Variants in TSNARE1 observed in about 807,000 individuals in gnomAD.
TSNARE1 encodes t-SNARE domain containing 1.
In TSNARE1, 49 loss-of-function variants were observed where a neutral mutation model predicts 62.0. The ratio of observed to expected loss-of-function variants is 0.79; its 90% CI spans 0.63 to 1.00. The LOEUF (loss-of-function observed/expected upper bound fraction) is 1.00. Ranked by LOEUF, TSNARE1 falls within the 50% of genes least tolerant of loss-of-function variation. The probability of loss-of-function intolerance (pLI) is 0.00; values close to 1 mark genes in which losing one functional copy is unlikely to be tolerated. For missense variants in TSNARE1, 755 were observed against 700.1 expected (o/e 1.08, Z -0.88); for synonymous variants, 328 against 294.4 (o/e 1.11, Z -1.17).
At chr8:142,294,621 T>C (rs1824374966) in intron 10 of TSNARE1, among the ~76,000 whole-genome samples, 1 of 152,178 alleles carries the variant, frequency 6.6e-6, no homozygotes, top group African/African-American at 2.4e-5. Context: ...AGCTCTCTCC[T>C]GGCCAAGGCC....
intron 12 of TSNARE1, among the ~76,000 whole-genome samples, chr8:142,256,166 CCACCAT>C (rs1818523139): frequency 7.6e-6 from 1 of 132,222 alleles, no homozygotes; most frequent in Admixed American, 7.4e-5. Context: ...ACCATCACCA[CCACCAT>C]CACCATCACC....
chr8:142,240,932 A>G (rs1179565481), intron 12 of TSNARE1, among the ~76,000 whole-genome samples: 1 of 152,256 alleles, frequency 6.6e-6, no homozygotes, highest in African/African-American at 2.4e-5. Context: ...TTTAGAGGAA[A>G]GAACTTTTCT....
At chr8:142,298,582 C>T (rs1177848770) in intron 10 of TSNARE1, among the ~76,000 whole-genome samples, 2 of 152,214 alleles carry the variant, frequency 1.3e-5, no homozygotes, top group Non-Finnish European at 1.5e-5. Context: ...AAGCCTCTCC[C>T]TGGACGCTGC....
At chr8:142,255,242 T>C (rs900779204) in intron 12 of TSNARE1, among the ~76,000 whole-genome samples, 5 of 151,952 alleles carry the variant, frequency 3.3e-5, no homozygotes, top group Admixed American at 2.0e-4. Context: ...CAGTGCCTAG[T>C]ATGGAGGACT....
At chr8:142,282,653 T>G (rs1404599685) in intron 11 of TSNARE1, among the ~76,000 whole-genome samples, 1 of 141,230 alleles carries the variant, frequency 7.1e-6, no homozygotes, top group Admixed American at 7.1e-5. Context: ...CCAGTGTCTG[T>G]CAATGAGCGG....
At chr8:142,312,255 C>A (rs939363266) in intron 9 of TSNARE1, among the ~76,000 whole-genome samples, 1 of 152,166 alleles carries the variant, frequency 6.6e-6, no homozygotes, top group African/African-American at 2.4e-5. Context: ...AGCTGAGTGT[C>A]CAACCAACTA....
At chr8:142,296,714 G>A (rs887320292) in intron 10 of TSNARE1, among the ~76,000 whole-genome samples, 5 of 152,004 alleles carry the variant, frequency 3.3e-5, no homozygotes, top group Admixed American at 1.3e-4. Flanking sequence ...AGGGCACGCC[G>A]TGGAAGCAGC....
intron 11 of TSNARE1, chr8:142,278,434 G>A (rs1465185402): frequency 1.0e-6 from 1 of 985,348 alleles, no homozygotes; most frequent in African/African-American, 1.7e-5. Context: ...TGCTTCCGGG[G>A]CTTCGTTCCC....
At chr8:142,282,653 T>A (rs1404599685) in intron 11 of TSNARE1, among the ~76,000 whole-genome samples, 2 of 141,306 alleles carry the variant, frequency 1.4e-5, no homozygotes, top group Non-Finnish European at 3.0e-5. Flanking sequence ...CCAGTGTCTG[T>A]CAATGAGCGG....
chr8:142,215,141 C>T lies in TSNARE1; in HGVS notation c.*12-2828G>A, dbSNP rs182444082. Among the ~76,000 whole-genome samples, 279 of 152,330 alleles carry T rather than the reference C, an allele frequency of 1.8e-3. 1 individual carries two copies. Among genetic ancestry groups the T allele is most frequent in the Non-Finnish European group, 3.3e-3 (225 of 68,028 alleles). ...CCCAGGCCAGGGCCCGCACGGACAC[C>T]ATGAATGCGTATTGATCGAGTGAAC... On this transcript the variant is annotated intron_variant, in intron 13 of 13. Coordinates refer to ENST00000524325, the MANE Select transcript of TSNARE1 (RefSeq NM_145003.5).
intron 12 of TSNARE1, among the ~76,000 whole-genome samples, chr8:142,237,242 G>A (rs924427611): frequency 6.6e-6 from 1 of 152,206 alleles, no homozygotes; most frequent in African/African-American, 2.4e-5. Flanking sequence ...TCCCTGGAGG[G>A]GCTGAGGCTT....
At chr8:142,274,901 G>C in intron 11 of TSNARE1, 38 bp from the exon 12 acceptor site, 1 of 1,481,000 alleles carries the variant, frequency 6.8e-7, no homozygotes, top group Non-Finnish European at 9.0e-7. Flanking sequence ...TACAGATGGA[G>C]GCCCAGCCGC....
At chr8:142,239,693 AGTGGGG>A (rs987931176) in intron 12 of TSNARE1, among the ~76,000 whole-genome samples, 1 of 152,224 alleles carries the variant, frequency 6.6e-6, no homozygotes, top group Non-Finnish European at 1.5e-5. Flanking sequence ...GGAAAACCCG[AGTGGGG>A]CCTGTGATTA....
intron 11 of TSNARE1, among the ~76,000 whole-genome samples, chr8:142,280,701 C>A (rs566472267): frequency 9.2e-5 from 14 of 152,278 alleles, no homozygotes; most frequent in Non-Finnish European, 1.9e-4. Flanking sequence ...CTGAAGTGGA[C>A]AAAGCGCTCC....
chr8:142,251,628 G>A (rs1397388751), intron 12 of TSNARE1, among the ~76,000 whole-genome samples: 2 of 151,972 alleles, frequency 1.3e-5, no homozygotes, highest in Non-Finnish European at 2.9e-5. Context: ...CTTATGAGAG[G>A]AGCCTTCGAC....
At chr8:142,228,186 C>A (rs758347385) in intron 13 of TSNARE1, among the ~76,000 whole-genome samples, 1 of 152,250 alleles carries the variant, frequency 6.6e-6, no homozygotes, top group Non-Finnish European at 1.5e-5. Flanking sequence ...CAGAGCCACC[C>A]AGCTAAGCCG....
intron 12 of TSNARE1, among the ~76,000 whole-genome samples, chr8:142,232,747 G>A (rs368996208): frequency 1.6e-4 from 25 of 152,338 alleles, no homozygotes; most frequent in East Asian, 1.2e-3. Flanking sequence ...GGGCGCAGGC[G>A]ATGACAGGCA....
At chr8:142,253,521 A>C (rs897764378) in intron 12 of TSNARE1, among the ~76,000 whole-genome samples, 20 of 82,478 alleles carry the variant, frequency 2.4e-4, no homozygotes, top group Non-Finnish European at 3.4e-4. Flanking sequence ...GCATAGACCC[A>C]CTGCAGTAGG....
chr8:142,384,513 A>T (rs1836980449), intron 1 of TSNARE1, among the ~76,000 whole-genome samples: 1 of 152,218 alleles, frequency 6.6e-6, no homozygotes, highest in Non-Finnish European at 1.5e-5. Context: ...AAGAGCCCAG[A>T]AATAAGCCCT....
Sources: allele counts gnomAD v4.1 joint callset (sites outside exome capture counted in the v4.1 genomes callset), GRCh38; gene constraint gnomAD v4.1.1; transcripts MANE v1.5; gene names NCBI Gene and HGNC (gene_info 2026-07-23, HGNC 2026-07-21).